Variants in BUB1B observed in about 807,000 individuals in gnomAD.
The protein encoded by BUB1B is mitotic checkpoint serine/threonine-protein kinase BUB1 beta.
A neutral mutation model predicts 137.7 loss-of-function variants in BUB1B; 86 were observed. That is an observed-to-expected ratio of 0.62 (90% confidence interval 0.52 to 0.75). The LOEUF is 0.75. BUB1B is among the 30% of genes least tolerant of loss of function. The pLI is 0.00. For synonymous variants in BUB1B, 420 were observed against 417.9 expected, an observed-to-expected ratio of 1.00 and a Z score of -0.06; for missense variants, 1,130 against 1,236.9, an observed-to-expected ratio of 0.91 and a Z score of 1.30.
intron 8 of BUB1B, among the ~76,000 whole-genome samples, chr15:40,186,646 C>T (rs11632050): frequency 3.3e-5 from 5 of 150,928 alleles, no homozygotes; most frequent in East Asian, 2.0e-4. Flanking sequence ...GGGGTTTCAC[C>T]GTGTTAGCCA....
At chr15:40,198,333 C>T (rs964202437) in intron 9 of BUB1B, among the ~76,000 whole-genome samples, 1 of 151,888 alleles carries the variant, frequency 6.6e-6, no homozygotes, top group African/African-American at 2.4e-5. Context: ...CCACCTTGGC[C>T]TTTCAAAGTG....
At position 40,161,256 on chromosome 15, in the gene BUB1B, G is replaced by A. The variant is rs1044124520; in HGVS notation, c.35+1G>A. 1 of 1,612,482 alleles carries A rather than the reference G, an allele frequency of 6.2e-7. No homozygotes were observed. The highest frequency in any genetic ancestry group is 1.3e-5 in the African/African-American group (1 of 74,900). ...TGAAGAAGGAAGGGGGTGCTCTGAG[G>A]TAGGTACGGGAGAAAGCTGCTGGGG... On this transcript the variant is annotated splice_donor_variant, in intron 1 of 22. Coordinates refer to ENST00000287598, the MANE Select transcript of BUB1B (RefSeq NM_001211.6). LOFTEE classifies it high-confidence loss of function.
chr15:40,202,274 G>C, intron 12 of BUB1B, 131 bp from the exon 13 acceptor site: 2 of 753,548 alleles, frequency 2.7e-6, no homozygotes, highest in Non-Finnish European at 4.4e-6. Flanking sequence ...TATGTTTGAA[G>C]CTTTTTGTTA....
In BUB1B at chr15:40,183,877, C is replaced by T; in HGVS notation, c.745C>T (p.Leu249Phe). The T allele has an allele frequency of 3.7e-6, 6 of 1,613,980 alleles. No individual in the cohort carries two copies. The highest frequency in any genetic ancestry group is 5.1e-6 in the Non-Finnish European group (6 of 1,179,912). Residue 249 changes from leucine (L) to phenylalanine (F), a missense_variant, in exon 6 of 23, where the codon CTC becomes TTC. Leu to Phe is a conservative substitution (Grantham distance 22). Coordinates refer to ENST00000287598, the MANE Select transcript of BUB1B (RefSeq NM_001211.6). ...RAPIIRVGGA[L>F]KAPSQNRGLQ... is the part of the protein sequence containing the mutation. Reference sequence around the variant, plus strand: ...TCCAATCATCCGTGTAGGAGGTGCTCTCAAGGGTAAGTTTGTTAAACGTTA... The same window carrying T: ...TCCAATCATCCGTGTAGGAGGTGCTTTCAAGGGTAAGTTTGTTAAACGTTA...
intron 15 of BUB1B, 91 bp downstream of exon 15, chr15:40,206,549 C>G (rs1387945428): frequency 6.6e-7 from 1 of 1,521,008 alleles, no homozygotes; most frequent in Non-Finnish European, 9.0e-7. Context: ...TTATCAAGTT[C>G]TTACTAACTG....
chr15:40,199,570 A>G, intron 9 of BUB1B, 45 bp from the exon 10 acceptor site: 2 of 1,495,998 alleles, frequency 1.3e-6, no homozygotes, highest in Non-Finnish European at 1.9e-6. Context: ...TGACAGAATG[A>G]GTTACTATGA....
intron 4 of BUB1B, among the ~76,000 whole-genome samples, chr15:40,171,241 T>C (rs539534626): frequency 7.9e-5 from 12 of 152,294 alleles, no homozygotes; most frequent in Admixed American, 5.9e-4. Flanking sequence ...CTAGTCCGGA[T>C]TACTTATTTA....
chr15:40,185,746 AAC>A (rs2037353625), intron 8 of BUB1B, 104 bp downstream of exon 8: 1 of 1,117,640 alleles, frequency 8.9e-7, no homozygotes, highest in Non-Finnish European at 1.3e-6. Flanking sequence ...AGATGAAAGT[AAC>A]CAGGCCAGGC....
chr15:40,213,834 G>A (rs372836754), intron 20 of BUB1B, among the ~76,000 whole-genome samples: 30 of 152,070 alleles, frequency 2.0e-4, no homozygotes, highest in African/African-American at 6.3e-4. Context: ...CACTGCACCC[G>A]GCCAAGTTGC....
At position 40,212,621 on chromosome 15, in the gene BUB1B, C is replaced by A; in HGVS notation, c.2508C>A (p.His836Gln). The A allele has an allele frequency of 1.2e-6, 2 of 1,613,416 alleles. No individual in the cohort carries two copies. The highest frequency in any genetic ancestry group is 1.1e-5 in the South Asian group (1 of 91,056). ...ATCAAGATGGCTGTATTGTTTGGCA[C>A]CAATATATAAACTGCTTCACCCTTC... is the stretch of plus-strand genomic sequence containing the variant. ...YQYQDGCIVWHQYINCFTLQD... is the reference protein window; with the variant it reads ...YQYQDGCIVWQQYINCFTLQD... The change falls in exon 19 of 23, where the codon CAC (histidine) becomes CAA (glutamine). Residue 836 changes from histidine to glutamine, a missense_variant. Coordinates refer to ENST00000287598, the MANE Select transcript of BUB1B (RefSeq NM_001211.6).
At chr15:40,165,224 G>A (rs1806861725) in intron 2 of BUB1B, 28 bp downstream of exon 2, 1 of 1,613,844 alleles carries the variant, frequency 6.2e-7, no homozygotes, top group African/African-American at 1.3e-5. Context: ...GTCTCAACCT[G>A]TCGTCATTCA....
intron 5 of BUB1B, among the ~76,000 whole-genome samples, chr15:40,181,637 A>T: frequency 6.6e-6 from 1 of 151,816 alleles, no homozygotes; most frequent in Non-Finnish European, 1.5e-5. Context: ...AGGTCCCTGA[A>T]GCTCTGTTTA....
At chr15:40,208,381 T>C (rs2037663538) in intron 15 of BUB1B, among the ~76,000 whole-genome samples, 1 of 151,892 alleles carries the variant, frequency 6.6e-6, no homozygotes, top group Non-Finnish European at 1.5e-5. Flanking sequence ...CTACTAAAAA[T>C]ACAAAAATCA....
intron 2 of BUB1B, among the ~76,000 whole-genome samples, chr15:40,167,213 G>A (rs1304527317): frequency 2.7e-5 from 4 of 146,422 alleles, no homozygotes; most frequent in Non-Finnish European, 6.0e-5. Flanking sequence ...TTTAAATTTT[G>A]ATGAAGTTCA....
intron 2 of BUB1B, among the ~76,000 whole-genome samples, chr15:40,169,799 G>A (rs1248658053): frequency 2.6e-5 from 4 of 151,700 alleles, no homozygotes; most frequent in African/African-American, 9.7e-5. Flanking sequence ...TTTTAGTAGA[G>A]ATGAGGTTTC....
In BUB1B at chr15:40,209,775, G is replaced by C; in HGVS notation, c.2284G>C (p.Gly762Arg). 1 of 1,613,948 alleles carries C rather than the reference G, an allele frequency of 6.2e-7. No individual in the cohort carries two copies. Among genetic ancestry groups the C allele is most frequent in the Non-Finnish European group, 8.5e-7 (1 of 1,179,950 alleles). Residue 762 changes from glycine to arginine, a missense_variant and splice_region_variant, in exon 17 of 23, where the codon GGT becomes CGT. Transcript: ENST00000287598. ...GGAAATTGAGAAGGAAATTGAATTA[G>C]GTAAGTACCATTGAACTCATGTCCT... is the stretch of plus-strand genomic sequence containing the variant. ...KLEIEKEIEL[G>R]NEDYCIKREY... is the part of the protein sequence containing the mutation.
chr15:40,220,317 T>C (rs960907879), intron 22 of BUB1B, among the ~76,000 whole-genome samples: 6 of 152,190 alleles, frequency 3.9e-5, no homozygotes, highest in African/African-American at 1.4e-4. Flanking sequence ...AGAGGAAATT[T>C]ATAGATTTAG....
intron 21 of BUB1B, 120 bp downstream of exon 21, chr15:40,217,787 T>C: frequency 8.3e-7 from 1 of 1,198,408 alleles, no homozygotes. Flanking sequence ...GACCTAGTTT[T>C]CAAATATCAC....
At chr15:40,185,041 C>CTT (rs1007028258) in intron 6 of BUB1B, 124 bp from the exon 7 acceptor site, 353 of 598,042 alleles carry the variant, frequency 5.9e-4, no homozygotes, top group Non-Finnish European at 7.3e-4. Flanking sequence ...TTTAAAATTT[C>CTT]TTTTTTTTTT....
Sources: allele counts gnomAD v4.1 joint callset (sites outside exome capture counted in the v4.1 genomes callset), GRCh38; gene constraint gnomAD v4.1.1; transcripts MANE v1.5; gene names NCBI Gene and HGNC (gene_info 2026-07-23, HGNC 2026-07-21).